RFX3: variants seen among roughly 807,000 people sequenced by gnomAD.
The protein encoded by RFX3 is transcription factor RFX3.
In RFX3, 14 loss-of-function variants were observed where a neutral mutation model predicts 98.6. The ratio of observed to expected loss-of-function variants is 0.14; its 90% CI spans 0.09 to 0.22. The LOEUF is 0.22. RFX3 is among the 10% of genes least tolerant of loss of function. The pLI is 1.00. For synonymous variants in RFX3, 383 were observed against 328.4 expected (o/e 1.17, Z -1.80); for missense variants, 639 against 926.9 (o/e 0.69, Z 4.03).
chr9:3,429,343 T>C (rs916196672), intron 1 of RFX3, among the ~76,000 whole-genome samples: 4 of 150,542 alleles, frequency 2.7e-5, no homozygotes, highest in African/African-American at 4.8e-5. Context: ...ATTCTTATGA[T>C]TAACTAAAAA....
Position 3,346,691 on chromosome 9 carries a change from T to G in RFX3, c.191A>C (p.Asp64Ala). 1 of 1,612,050 alleles carries G rather than the reference T, an allele frequency of 6.2e-7. No homozygotes were observed. Among genetic ancestry groups the G allele is most frequent in the African/African-American group, 1.3e-5 (1 of 75,000 alleles). Residue 64 changes from aspartate (D) to alanine (A), a missense_variant, in exon 3 of 17, where the codon GAT (aspartate) becomes GCT (alanine). Physicochemically the swap from Asp to Ala is moderately radical, Grantham distance 126 (BLOSUM62 -2). This residue lies in a region of RFX3 where 210 missense variants were observed against 197.7 expected (regional missense o/e 1.06). Coordinates refer to ENST00000617270, the MANE Select transcript of RFX3 (RefSeq NM_001282116.2). The part of the protein sequence containing the change: ...PAQVQYVEGS[D>A]TVYTNGAIRT... The stretch of plus-strand genomic sequence containing the variant: ...CATTGCTCCATTGGTATAGACAGTA[T>G]CGCTTCCTTCCACATACTGCACCTG...
rs1491257813 is a variant in RFX3 at position 3,320,811 on chromosome 9, A to ATATATG, written c.474+9447_474+9448insCATATA. 1.3e-4 allele frequency among the ~76,000 whole-genome samples: 16 copies of ATATATG among 119,304 alleles called. 2 individuals are homozygous for ATATATG. Among genetic ancestry groups the ATATATG allele is most frequent in the African/African-American group, 4.3e-4 (13 of 30,586 alleles). The allele number at this position is 119,304 out of a possible 152,430, so 78.3% of individuals were successfully genotyped here. A position where few individuals can be genotyped will look rare whatever the true frequency, so the allele number is the denominator to read the frequency against. The stretch of plus-strand genomic sequence containing the variant: ...TATATATATATATATATATATATAT[A>ATATATG]GCCTCATTATCTAGGGGCTACATGT... On this transcript the variant is annotated intron_variant, in intron 4 of 16. Coordinates refer to ENST00000617270, the MANE Select transcript of RFX3 (RefSeq NM_001282116.2).
chr9:3,397,884 T>C (rs10814054), intron 1 of RFX3, among the ~76,000 whole-genome samples: 8,144 of 152,232 alleles, frequency 0.053, 735 homozygotes, highest in African/African-American at 0.18. Flanking sequence ...TTGGTATGAC[T>C]ATAATCTGCA....
chr9:3,435,704 T>C (rs370769896), intron 1 of RFX3, among the ~76,000 whole-genome samples: 2 of 149,664 alleles, frequency 1.3e-5, no homozygotes, highest in African/African-American at 2.5e-5. Flanking sequence ...TCCTGACACA[T>C]GTAAACACAA....
At chr9:3,231,121 A>T (rs1818389262) in intron 15 of RFX3, among the ~76,000 whole-genome samples, 1 of 152,228 alleles carries the variant, frequency 6.6e-6, no homozygotes, top group Non-Finnish European at 1.5e-5. Context: ...GTCATTATGC[A>T]CTATGGGGGA....
At chr9:3,508,884 G>A (rs1817385505) in intron 1 of RFX3, among the ~76,000 whole-genome samples, 2 of 151,788 alleles carry the variant, frequency 1.3e-5, no homozygotes, top group South Asian at 4.1e-4. Flanking sequence ...GGCTCAAACT[G>A]CTCATCTTTA....
intron 1 of RFX3, among the ~76,000 whole-genome samples, chr9:3,512,471 T>G (rs1205939203): frequency 6.6e-6 from 1 of 151,978 alleles, no homozygotes; most frequent in Non-Finnish European, 1.5e-5. Context: ...CTGCTTTAGA[T>G]ATCAGATAAA....
intron 13 of RFX3, among the ~76,000 whole-genome samples, chr9:3,258,310 A>G (rs975356809): frequency 2.6e-5 from 4 of 152,164 alleles, no homozygotes; most frequent in Non-Finnish European, 5.9e-5. Flanking sequence ...TTCTCAAAAG[A>G]GTGTCTATAG....
chr9:3,336,215 T>C (rs1833159227), intron 3 of RFX3, among the ~76,000 whole-genome samples: 1 of 152,170 alleles, frequency 6.6e-6, no homozygotes, highest in Non-Finnish European at 1.5e-5. Flanking sequence ...AACATTTTAT[T>C]GCTTTTAGGC....
chr9:3,468,159 G>C (rs1011512463), intron 1 of RFX3, among the ~76,000 whole-genome samples: 4 of 152,100 alleles, frequency 2.6e-5, no homozygotes, highest in African/African-American at 9.7e-5. Flanking sequence ...ATCTTTATTT[G>C]AATAGATGTA....
chr9:3,386,524 G>A (rs2131792852), intron 2 of RFX3, among the ~76,000 whole-genome samples: 1 of 152,188 alleles, frequency 6.6e-6, no homozygotes, highest in South Asian at 2.1e-4. Flanking sequence ...ACTAGAGCCA[G>A]GATTTGAATT....
intron 15 of RFX3, 46 bp from the exon 16 acceptor site, chr9:3,228,935 T>C: frequency 6.6e-7 from 1 of 1,519,584 alleles, no homozygotes; most frequent in Non-Finnish European, 9.0e-7. Context: ...TAGGGCAGAA[T>C]AAAATAATAC....
rs1842737426 is a variant in RFX3, at chr9:3,414,586, G to A, written c.-8-18990C>T. Reference sequence around the variant, plus strand: ...ATGCTAGTGGTATCTACTGCAATGTGGTATATATATATATGCTAGTAGTAT... The same window carrying A: ...ATGCTAGTGGTATCTACTGCAATGTAGTATATATATATATGCTAGTAGTAT... On this transcript the variant is annotated intron_variant, in intron 1 of 16. Transcript: ENST00000617270. 1.2e-4 allele frequency among the ~76,000 whole-genome samples: 17 copies of A among 147,056 alleles called. No individual in the cohort carries two copies. In the South Asian group the frequency reaches 3.4e-3, roughly 30 times the overall value.
At chr9:3,400,902 G>C (rs186910486) in intron 1 of RFX3, among the ~76,000 whole-genome samples, 2 of 150,616 alleles carry the variant, frequency 1.3e-5, no homozygotes, top group African/African-American at 5.0e-5. Flanking sequence ...ACTAGTAAGA[G>C]AAAAAGCCTG....
rs1275123428 is a variant in RFX3 at position 3,277,441 on chromosome 9, A to G, written c.872T>C (p.Val291Ala). 1.2e-6 allele frequency: 2 copies of G among 1,612,518 alleles called. No individual in the cohort carries two copies. The highest frequency in any genetic ancestry group is 3.3e-5 in the Admixed American group (2 of 59,936). The change falls in exon 8 of 17, where the codon GTG becomes GCG. Residue 291 changes from valine (V) to alanine (A), a missense_variant. By Grantham distance (64) the Val-to-Ala change is moderately conservative. This residue lies in a region of RFX3 where 86 missense variants were observed against 113.2 expected (regional missense o/e 0.76). Coordinates refer to ENST00000617270, the MANE Select transcript of RFX3 (RefSeq NM_001282116.2). ...TGTGAAACCATCTGCAACCCCATCC[A>G]CTTTCTGCATAGGCTTGTACCTAAA... ...QKQRYKPMQKVDGVADGFTGS... is the reference protein window; with the variant it reads ...QKQRYKPMQKADGVADGFTGS...
intron 1 of RFX3, among the ~76,000 whole-genome samples, chr9:3,482,828 T>A (rs1277484785): frequency 6.6e-6 from 1 of 152,160 alleles, no homozygotes; most frequent in African/African-American, 2.4e-5. Context: ...CTTGCATATG[T>A]AAGGGCCTAG....
At position 3,450,798 on chromosome 9, in the gene RFX3, C is replaced by T. The variant is rs1329499826; in HGVS notation, c.-8-55202G>A. 3.9e-5 allele frequency among the ~76,000 whole-genome samples: 6 copies of T among 152,196 alleles called. No homozygotes were observed. In the East Asian group the frequency reaches 1.2e-3, roughly 29 times the overall value. ...CAGTAATAAGAATTCTTAGAATTTT[C>T]CCTTAAAAATCCTTAGGATCATTCC... On this transcript the variant is annotated intron_variant, in intron 1 of 16. Transcript: ENST00000617270.
intron 3 of RFX3, among the ~76,000 whole-genome samples, chr9:3,332,349 T>A (rs1832692576): frequency 6.6e-6 from 1 of 152,200 alleles, no homozygotes; most frequent in African/African-American, 2.4e-5. Context: ...AAGGTAATTT[T>A]ATAAAATATT....
At chr9:3,316,639 C>A (rs946828845) in intron 4 of RFX3, among the ~76,000 whole-genome samples, 2 of 152,116 alleles carry the variant, frequency 1.3e-5, no homozygotes, top group Non-Finnish European at 1.5e-5. Context: ...ATTGTCTCAG[C>A]CCAAAATCTC....
Sources: gnomAD v4.1 joint callset for allele counts (sites outside exome capture counted in the v4.1 genomes callset) on GRCh38, gnomAD v4.1.1 for gene constraint, gnomAD v4.1.1 regional missense constraint, MANE v1.5 for transcripts, NCBI Gene and HGNC (gene_info 2026-07-23, HGNC 2026-07-21) for gene names.